TMEM120B: variants seen among roughly 807,000 people sequenced by gnomAD.
TMEM120B encodes the protein transmembrane protein 120B.
A neutral mutation model predicts 55.5 loss-of-function variants in TMEM120B; 31 were observed. The ratio of observed to expected loss-of-function variants is 0.56; its 90% confidence interval spans 0.42 to 0.75. TMEM120B has a LOEUF of 0.75. Among genes scored for constraint, TMEM120B ranks in the 30% least tolerant of loss-of-function variants. TMEM120B has a pLI of 0.00. For missense variants in TMEM120B, 399 were observed against 425.5 expected (o/e 0.94, Z 0.55); for synonymous variants, 203 against 176.3 (o/e 1.15, Z -1.20).
chr12:121,742,421 AAAAAC>A (rs1379306305), intron 1 of TMEM120B, among the ~76,000 whole-genome samples: 2 of 152,052 alleles, frequency 1.3e-5, no homozygotes, highest in Non-Finnish European at 2.9e-5. Context: ...TTCAACTGCT[AAAAAC>A]AAAACAAAAC....
At chr12:121,767,912 G>C (rs1873900715) in intron 6 of TMEM120B, among the ~76,000 whole-genome samples, 1 of 152,180 alleles carries the variant, frequency 6.6e-6, no homozygotes, top group African/African-American at 2.4e-5. Flanking sequence ...CTAGACAGAG[G>C]GCATTTCTCA....
At position 121,719,207 on chromosome 12, in the gene TMEM120B, A is replaced by G. The variant is rs188712658; in HGVS notation, c.69+6243A>G. Among the ~76,000 whole-genome samples the G allele has an allele frequency of 4.5e-4, 68 of 151,968 alleles. 1 individual carries two copies. Among genetic ancestry groups the G allele is most frequent in the Admixed American group, 3.7e-3 (57 of 15,232 alleles). Reference sequence around the variant, plus strand: ...ACTACATGAAACGAGTTGGGGAGGGATGGTCCCATGAAGGAAAATCAAAAA... The same window carrying G: ...ACTACATGAAACGAGTTGGGGAGGGGTGGTCCCATGAAGGAAAATCAAAAA... On this transcript the variant is annotated intron_variant, in intron 1 of 11. Coordinates refer to ENST00000449592, the MANE Select transcript of TMEM120B (RefSeq NM_001080825.2).
At chr12:121,756,999 G>A (rs1873492833) in intron 5 of TMEM120B, among the ~76,000 whole-genome samples, 1 of 152,146 alleles carries the variant, frequency 6.6e-6, no homozygotes, top group Non-Finnish European at 1.5e-5. Context: ...TAGCAGGGCA[G>A]TGTACGGTGT....
chr12:121,721,515 A>G (rs1323544569), intron 1 of TMEM120B, among the ~76,000 whole-genome samples: 1 of 149,712 alleles, frequency 6.7e-6, no homozygotes, highest in African/African-American at 2.5e-5. Flanking sequence ...CTTGTTGCCC[A>G]GGCTGGAGTG....
intron 3 of TMEM120B, 36 bp downstream of exon 3, chr12:121,748,478 C>A: frequency 1.4e-6 from 2 of 1,438,174 alleles, no homozygotes; most frequent in Admixed American, 1.9e-5. Context: ...CTAGCACAGG[C>A]CCATGCCCAG....
chr12:121,746,408 A>G (rs1024817683), intron 2 of TMEM120B, among the ~76,000 whole-genome samples: 40 of 151,924 alleles, frequency 2.6e-4, no homozygotes, highest in African/African-American at 9.7e-4. Flanking sequence ...GCTGGTCTTG[A>G]ACTCCCAACC....
rs1365435100 is a variant in TMEM120B, at chr12:121,773,411, C to T, written c.680-10C>T. 4 of 1,606,566 alleles carry T rather than the reference C, an allele frequency of 2.5e-6. No individual in the cohort carries two copies. The highest frequency in any genetic ancestry group is 3.4e-6 in the Non-Finnish European group (4 of 1,176,540). ...AGGCCCTGAGCCCAGGTGCTGTGCT[C>T]CCCCTGCAGGCTGCGTCCAGTTCCT... is the stretch of plus-strand genomic sequence containing the variant. On this transcript the variant is annotated splice_polypyrimidine_tract_variant and intron_variant, in intron 8 of 11. Coordinates refer to ENST00000449592, the MANE Select transcript of TMEM120B (RefSeq NM_001080825.2).
chr12:121,739,782 G>C (rs981243299), intron 1 of TMEM120B, among the ~76,000 whole-genome samples: 12 of 146,616 alleles, frequency 8.2e-5, no homozygotes, highest in Admixed American at 6.2e-4. Flanking sequence ...GGAAACTTTT[G>C]ACTCCTGCAA....
chr12:121,735,472 C>T (rs2137075105), intron 1 of TMEM120B, among the ~76,000 whole-genome samples: 1 of 151,300 alleles, frequency 6.6e-6, no homozygotes, highest in East Asian at 2.0e-4. Context: ...GATCTCGGCT[C>T]ACTGCAACCT....
intron 1 of TMEM120B, among the ~76,000 whole-genome samples, chr12:121,733,758 G>A (rs1251980363): frequency 2.1e-5 from 3 of 144,880 alleles, no homozygotes; most frequent in East Asian, 2.1e-4. Context: ...GGCTGGTCTC[G>A]AACTCTTGAC....
chr12:121,730,202 T>A (rs1285646772), intron 1 of TMEM120B, among the ~76,000 whole-genome samples: 1 of 148,140 alleles, frequency 6.8e-6, no homozygotes, highest in African/African-American at 2.5e-5. Flanking sequence ...GAGGTTGCAG[T>A]GAGCCAGGAT....
At chr12:121,719,188 TGAAACGAGTTGGGGAGG>T (rs1356887711) in intron 1 of TMEM120B, among the ~76,000 whole-genome samples, 1 of 151,276 alleles carries the variant, frequency 6.6e-6, no homozygotes, top group Non-Finnish European at 1.5e-5. Flanking sequence ...CCACACTACA[TGAAACGAGTTGGGGAGG>T]GATGGTCCCA....
Position 121,743,689 on chromosome 12 carries a change from A to G in TMEM120B, c.130A>G (p.Ser44Gly), listed in dbSNP as rs765932820. The G allele has an allele frequency of 6.2e-7, 1 of 1,613,712 alleles. No homozygotes were observed. The highest frequency in any genetic ancestry group is 2.2e-5 in the East Asian group (1 of 44,880). ...GCTGGCTGCGCTGCAGACGCTGTGT[A>G]GCAGTTCCATCAGTAAGCAGAAGAA... ...EELAALQTLC[S>G]SSISKQKKHL... Residue 44 changes from serine (S) to glycine (G), a missense_variant, in exon 2 of 12, where the codon AGC becomes GGC. Ser to Gly is a moderately conservative substitution (Grantham distance 56, BLOSUM62 0). This residue lies in a region of TMEM120B where 133 missense variants were observed against 104.1 expected (regional missense o/e 1.28). Transcript: ENST00000449592.
intron 5 of TMEM120B, among the ~76,000 whole-genome samples, chr12:121,757,355 T>C (rs1873509699): frequency 6.6e-6 from 1 of 151,642 alleles, no homozygotes; most frequent in African/African-American, 2.4e-5. Flanking sequence ...TTGTTTTGTT[T>C]TTTTGAGACA....
chr12:121,776,976 A>T lies in TMEM120B; in HGVS notation c.*1254A>T, dbSNP rs1353544624. The T allele has an allele frequency of 3.2e-5, 4 of 125,210 alleles. No individual in the cohort carries two copies. The highest frequency in any genetic ancestry group is 2.5e-4 in the Admixed American group (3 of 12,014). The allele number at this position is 125,210 out of a possible 1,614,324, so 7.8% of individuals were successfully genotyped here. A position where few individuals can be genotyped will look rare whatever the true frequency, so the allele number is the denominator to read the frequency against. On this transcript the variant is annotated 3_prime_UTR_variant, in exon 12 of 12. Transcript: ENST00000449592. ...CTCCTTTTTTTTTTTTTTTTTTGAG[A>T]TGGGAGTCTCGATCTGTTACCCAGG... is the stretch of plus-strand genomic sequence containing the variant.
chr12:121,762,439 C>T (rs545783359), intron 6 of TMEM120B, among the ~76,000 whole-genome samples: 2 of 152,282 alleles, frequency 1.3e-5, no homozygotes, highest in East Asian at 1.9e-4. Context: ...TCCCAGCAAA[C>T]GGAGCACATT....
At position 121,722,911 on chromosome 12, in the gene TMEM120B, C is replaced by T. The variant is rs543492648; in HGVS notation, c.69+9947C>T. 7.5e-4 allele frequency among the ~76,000 whole-genome samples: 112 copies of T among 148,518 alleles called. 4 individuals are homozygous for T. The South Asian group carries it at 0.023, about 30-fold the overall frequency. ...TTGCCCAGGCTGGAGTGCAATGGCG[C>T]GATCTTGGCTCACTGCAACCTCCGC... On this transcript the variant is annotated intron_variant, in intron 1 of 11. Coordinates refer to ENST00000449592, the MANE Select transcript of TMEM120B (RefSeq NM_001080825.2).
intron 1 of TMEM120B, among the ~76,000 whole-genome samples, chr12:121,738,493 C>T (rs979500496): frequency 3.9e-5 from 6 of 152,134 alleles, no homozygotes; most frequent in East Asian, 3.8e-4. Context: ...GCCAGGGCCC[C>T]GTCTTCCCCA....
intron 1 of TMEM120B, among the ~76,000 whole-genome samples, chr12:121,713,429 C>T (rs1894637637): frequency 6.6e-6 from 1 of 152,144 alleles, no homozygotes; most frequent in South Asian, 2.1e-4. Context: ...GGGAGGTGTA[C>T]TTAAGAGCTG....
Sources: gnomAD v4.1 joint callset for allele counts (sites outside exome capture counted in the v4.1 genomes callset) on GRCh38, gnomAD v4.1.1 for gene constraint, gnomAD v4.1.1 regional missense constraint, MANE v1.5 for transcripts, NCBI Gene and HGNC (gene_info 2026-07-23, HGNC 2026-07-21) for gene names.